FTCDNL1: variants seen among roughly 807,000 people sequenced by gnomAD.
The protein encoded by FTCDNL1 is formiminotransferase N-terminal subdomain-containing protein.
A neutral mutation model predicts 5.9 loss-of-function variants in FTCDNL1; 11 were observed. The observed-to-expected ratio is 1.87, with a 90% CI of 1.18 to 3.10. The LOEUF (loss-of-function observed/expected upper bound fraction) is 3.10. Among genes scored for constraint, FTCDNL1 ranks in the 30% most tolerant of loss-of-function variants. The pLI is 0.00. For synonymous variants in FTCDNL1, 58 were observed against 24.8 expected (o/e 2.34, Z -3.99); for missense variants, 115 against 65.5 (o/e 1.76, Z -2.61).
chr2:199,804,004 T>C (rs546853319), intron 3 of FTCDNL1, among the ~76,000 whole-genome samples: 3 of 152,362 alleles, frequency 2.0e-5, no homozygotes, highest in African/African-American at 7.2e-5. Context: ...TTTTCCCATA[T>C]CTTGCTATTT....
intron 3 of FTCDNL1, among the ~76,000 whole-genome samples, chr2:199,761,827 C>T (rs1056794201): frequency 8.5e-5 from 13 of 152,180 alleles, no homozygotes; most frequent in Admixed American, 7.9e-4. Context: ...TCTGACTTTT[C>T]TCAAGCCTCA....
chr2:199,666,657 C>G, the FTCDNL1 span, among the ~76,000 whole-genome samples: 1 of 152,112 alleles, frequency 6.6e-6, no homozygotes. Context: ...TGGCTCACAC[C>G]TGTCATCCCA....
the FTCDNL1 span, among the ~76,000 whole-genome samples, chr2:199,715,588 T>A: frequency 6.6e-6 from 1 of 152,128 alleles, no homozygotes; most frequent in Non-Finnish European, 1.5e-5. Context: ...AATTACCCAG[T>A]CTCGGGTATT....
At chr2:199,711,239 A>T in the FTCDNL1 span, among the ~76,000 whole-genome samples, 7 of 152,036 alleles carry the variant, frequency 4.6e-5, no homozygotes, top group East Asian at 1.4e-3. Flanking sequence ...ATTCACACCC[A>T]CAGTTTTTCA....
At chr2:199,694,224 G>T in the FTCDNL1 span, among the ~76,000 whole-genome samples, 9 of 152,236 alleles carry the variant, frequency 5.9e-5, no homozygotes, top group South Asian at 1.9e-3. Context: ...GCCTGTTCAG[G>T]GCAGCTGTTC....
the FTCDNL1 span, among the ~76,000 whole-genome samples, chr2:199,701,597 G>A: frequency 6.6e-6 from 1 of 152,140 alleles, no homozygotes; most frequent in South Asian, 2.1e-4. Flanking sequence ...AGGAAATGTT[G>A]TATATATACA....
chr2:199,849,495 G>A (rs1263671476), intron 1 of FTCDNL1, among the ~76,000 whole-genome samples: 1 of 152,156 alleles, frequency 6.6e-6, no homozygotes, highest in African/African-American at 2.4e-5. Flanking sequence ...GAAGCCATTT[G>A]GATGGTTTAC....
At chr2:199,736,568 T>C in the FTCDNL1 span, among the ~76,000 whole-genome samples, 1 of 152,224 alleles carries the variant, frequency 6.6e-6, no homozygotes, top group Admixed American at 6.5e-5. Flanking sequence ...TTTACCTCTG[T>C]ATTGCTAATT....
the FTCDNL1 span, among the ~76,000 whole-genome samples, chr2:199,730,049 A>T: frequency 6.6e-6 from 1 of 152,188 alleles, no homozygotes; most frequent in African/African-American, 2.4e-5. Flanking sequence ...ATAACACCAC[A>T]CATCCACAAC....
chr2:199,707,252 G>A, the FTCDNL1 span, among the ~76,000 whole-genome samples: 1 of 152,138 alleles, frequency 6.6e-6, no homozygotes. Flanking sequence ...GTTATTAGTA[G>A]TTCTTCCTTG....
chr2:199,838,143 CGTG>C (rs1248827657), intron 3 of FTCDNL1, among the ~76,000 whole-genome samples: 2 of 152,164 alleles, frequency 1.3e-5, no homozygotes, highest in African/African-American at 4.8e-5. Context: ...GTGAGGAAGA[CGTG>C]GAACACATAC....
chr2:199,753,742 T>C, the FTCDNL1 span, among the ~76,000 whole-genome samples: 4 of 152,062 alleles, frequency 2.6e-5, no homozygotes, highest in Admixed American at 2.6e-4. Context: ...TTAGTTAAAA[T>C]ACATAACTAA....
At chr2:199,740,225 A>G in the FTCDNL1 span, among the ~76,000 whole-genome samples, 1 of 152,336 alleles carries the variant, frequency 6.6e-6, no homozygotes, top group East Asian at 1.9e-4. Context: ...GCAAAGAGCC[A>G]CCTAAATGAA....
At chr2:199,790,890 T>C (rs556736707) in intron 3 of FTCDNL1, among the ~76,000 whole-genome samples, 2 of 152,310 alleles carry the variant, frequency 1.3e-5, no homozygotes, top group Admixed American at 6.5e-5. Flanking sequence ...AATTTCAATT[T>C]CTGTGAAAAT....
the FTCDNL1 span, among the ~76,000 whole-genome samples, chr2:199,739,354 C>T: frequency 6.6e-6 from 1 of 152,188 alleles, no homozygotes; most frequent in Non-Finnish European, 1.5e-5. Context: ...CAAATGTGTG[C>T]TGCGAATTTT....
chr2:199,753,106 A>G, the FTCDNL1 span, among the ~76,000 whole-genome samples: 13 of 152,308 alleles, frequency 8.5e-5, no homozygotes, highest in South Asian at 2.7e-3. Flanking sequence ...CGCTCTAGTG[A>G]CATAATTCAG....
At chr2:199,818,349 T>C (rs1701477172) in intron 4 of FTCDNL1, 1 of 152,230 alleles carries the variant, frequency 6.6e-6, no homozygotes, top group South Asian at 2.1e-4. Flanking sequence ...TATGACAAAA[T>C]GTTGAATGAA....
chr2:199,787,861 T>A (rs1489569555), intron 3 of FTCDNL1, among the ~76,000 whole-genome samples: 1 of 152,154 alleles, frequency 6.6e-6, no homozygotes, highest in Non-Finnish European at 1.5e-5. Flanking sequence ...AGTAAAAATA[T>A]AAAATACATA....
chr2:199,666,693 G>T, the FTCDNL1 span, among the ~76,000 whole-genome samples: 1 of 152,108 alleles, frequency 6.6e-6, no homozygotes, highest in East Asian at 1.9e-4. Flanking sequence ...GAGGTGGGCA[G>T]ATCACAAGGT....
Sources: gnomAD v4.1 joint callset for allele counts (sites outside exome capture counted in the v4.1 genomes callset) on GRCh38, gnomAD v4.1.1 for gene constraint, MANE v1.5 for transcripts, NCBI Gene and HGNC (gene_info 2026-07-23, HGNC 2026-07-21) for gene names.